Variants in HMGB2 observed in about 807,000 individuals in gnomAD.
HMGB2 encodes high mobility group box 2.
A neutral mutation model predicts 23.0 loss-of-function variants in HMGB2; 2 were observed. The ratio of observed to expected loss-of-function variants is 0.09; its 90% CI spans 0.04 to 0.27. HMGB2 has a LOEUF of 0.27. Ranked by LOEUF, HMGB2 falls within the 10% of genes least tolerant of loss-of-function variation. The probability of loss-of-function intolerance (pLI) is 1.00; values close to 1 mark genes in which losing one functional copy is unlikely to be tolerated. For missense variants in HMGB2, 178 were observed against 256.5 expected (o/e 0.69, Z 2.09); for synonymous variants, 99 against 87.5 (o/e 1.13, Z -0.73).
rs1477262728 is a variant in HMGB2 at position 173,333,916 on chromosome 4, C to G, written c.-20-247G>C. The stretch of plus-strand genomic sequence containing the variant: ...GCGGCTCAGCCCAGCAAGTGGCTCC[C>G]GGGGCCCGAGACGCCGCCGCCCGCC... On this transcript the variant is annotated intron_variant, in intron 1 of 4. Transcript: ENST00000296503. The surrounding 1 kb of genome is among the most constrained non-coding windows in gnomAD (Gnocchi z 4.6). 11 of 234,752 alleles carry G rather than the reference C, an allele frequency of 4.7e-5. No individual in the cohort carries two copies. In the Admixed American group the frequency reaches 6.3e-4, roughly 14 times the overall value. 14.5% of individuals were successfully genotyped at this position (234,752 alleles called of 1,614,324 possible). A position where few individuals can be genotyped will look rare whatever the true frequency, so the allele number is the denominator to read the frequency against.
At position 173,331,380 on chromosome 4, in the gene HMGB2, A is replaced by ATG. The variant is rs1738086682; in HGVS notation, c.*699_*700insCA. Among the ~76,000 whole-genome samples the ATG allele has an allele frequency of 7.3e-6, 1 of 137,274 alleles. No homozygotes were observed. The highest frequency in any genetic ancestry group is 3.1e-5 in the African/African-American group (1 of 32,116). 90.1% of individuals were successfully genotyped at this position (137,274 alleles called of 152,430 possible). On this transcript the variant is annotated 3_prime_UTR_variant, in exon 5 of 5. Coordinates refer to ENST00000296503, the MANE Select transcript of HMGB2 (RefSeq NM_002129.4). The stretch of plus-strand genomic sequence containing the variant: ...TATATATGTGTATATATATACATAT[A>ATG]TATATATATATATATGTATATATAT...
At position 173,333,394 on chromosome 4, in the gene HMGB2, T is replaced by C. The variant is rs1047166111; in HGVS notation, c.150+106A>G. On this transcript the variant is annotated intron_variant, in intron 2 of 4. Coordinates refer to ENST00000296503, the MANE Select transcript of HMGB2 (RefSeq NM_002129.4). The surrounding 1 kb of genome is among the most constrained non-coding windows in gnomAD (Gnocchi z 4.6). ...CTCTTAAGATATTCAGGTGAGTCAC[T>C]GGGGTGGCAAAGTTGAAGCTCATGA... is the stretch of plus-strand genomic sequence containing the variant. The C allele has an allele frequency of 1.7e-5, 24 of 1,443,244 alleles. No homozygotes were observed. Among genetic ancestry groups the C allele is most frequent in the Non-Finnish European group, 2.2e-5 (23 of 1,063,310 alleles). 89.4% of individuals were successfully genotyped at this position (1,443,244 alleles called of 1,614,324 possible).
chr4:173,333,692 G>C lies in HMGB2; in HGVS notation c.-20-23C>G. 1 of 1,546,630 alleles carries C rather than the reference G, an allele frequency of 6.5e-7. No homozygotes were observed. The highest frequency in any genetic ancestry group is 8.8e-7 in the Non-Finnish European group (1 of 1,141,418). ...CACCTGACGGGGCCGAGGGGGGAGAGGGGAAGCCGGAGGGTCGGCGCGGAG... is the reference window on the plus strand; with the variant it reads ...CACCTGACGGGGCCGAGGGGGGAGACGGGAAGCCGGAGGGTCGGCGCGGAG... On this transcript the variant is annotated intron_variant, in intron 1 of 4. Transcript: ENST00000296503. The surrounding 1 kb of genome is among the most constrained non-coding windows in gnomAD (Gnocchi z 4.6).
rs1302992825 is a variant in HMGB2 at position 173,333,469 on chromosome 4, C to A, written c.150+31G>T. On this transcript the variant is annotated intron_variant, in intron 2 of 4. Coordinates refer to ENST00000296503, the MANE Select transcript of HMGB2 (RefSeq NM_002129.4). This position sits in a 1 kb window ranked among gnomAD's most constrained non-coding sequence, Gnocchi z 4.6. ...CTCCTAGCCGAAAACCACACCTGCACCCCCTGAGCTCCGTCCCTCTCCTGC... is the reference window on the plus strand; with the variant it reads ...CTCCTAGCCGAAAACCACACCTGCAACCCCTGAGCTCCGTCCCTCTCCTGC... The A allele has an allele frequency of 6.2e-7, 1 of 1,600,502 alleles. No individual in the cohort carries two copies. The highest frequency in any genetic ancestry group is 8.5e-7 in the Non-Finnish European group (1 of 1,172,330).
chr4:173,331,913 C>T lies in HMGB2; in HGVS notation c.*167G>A. On this transcript the variant is annotated 3_prime_UTR_variant, in exon 5 of 5. Coordinates refer to ENST00000296503, the MANE Select transcript of HMGB2 (RefSeq NM_002129.4). ...TAGCCCATCAAAAAGCTACAACCTG[C>T]ATTTTTTAAAAGTATTTTCTCTACA... The T allele has an allele frequency of 1.0e-6, 1 of 972,294 alleles. No individual in the cohort carries two copies. The highest frequency in any genetic ancestry group is 1.5e-6 in the Non-Finnish European group (1 of 669,936). The allele number at this position is 972,294 out of a possible 1,614,324, so 60.2% of individuals were successfully genotyped here. A position where few individuals can be genotyped will look rare whatever the true frequency, so the allele number is the denominator to read the frequency against.
Position 173,333,811 on chromosome 4 carries a change from T to G in HMGB2, c.-20-142A>C. On this transcript the variant is annotated intron_variant, in intron 1 of 4. Coordinates refer to ENST00000296503, the MANE Select transcript of HMGB2 (RefSeq NM_002129.4). This position sits in a 1 kb window ranked among gnomAD's most constrained non-coding sequence, Gnocchi z 4.6. Reference sequence around the variant, plus strand: ...CGCCCCCCTCCTCCCGAGGGCGTCCTCCCAAGGGCGGCCGCCCGCGCCCCC... The same window carrying G: ...CGCCCCCCTCCTCCCGAGGGCGTCCGCCCAAGGGCGGCCGCCCGCGCCCCC... 6 of 417,890 alleles carry G rather than the reference T, an allele frequency of 1.4e-5. No individual in the cohort carries two copies. The highest frequency in any genetic ancestry group is 1.1e-5 in the Non-Finnish European group (3 of 281,664). 25.9% of individuals were successfully genotyped at this position (417,890 alleles called of 1,614,324 possible).
chr4:173,333,328 A>T lies in HMGB2; in HGVS notation c.151-114T>A. 7.2e-7 allele frequency: 1 copy of T among 1,386,262 alleles called. No homozygotes were observed. Among genetic ancestry groups the T allele is most frequent in the South Asian group, 1.4e-5 (1 of 72,484 alleles). 85.9% of individuals were successfully genotyped at this position (1,386,262 alleles called of 1,614,324 possible). A position where few individuals can be genotyped will look rare whatever the true frequency, so the allele number is the denominator to read the frequency against. ...TTTCCTTAACAGCATTTTGCTTTCG[A>T]AGTCTTATATAAGTAAAAACCTAAA... is the stretch of plus-strand genomic sequence containing the variant. On this transcript the variant is annotated intron_variant, in intron 2 of 4. Transcript: ENST00000296503. This position sits in a 1 kb window ranked among gnomAD's most constrained non-coding sequence, Gnocchi z 4.6.
In HMGB2 at chr4:173,331,955, A is replaced by C; in HGVS notation, c.*125T>G. The stretch of plus-strand genomic sequence containing the variant: ...TTCTCTACAGAGAATCTTATCAGCT[A>C]TACAAAAATCTGTACAGTTTTTATA... On this transcript the variant is annotated 3_prime_UTR_variant, in exon 5 of 5. Transcript: ENST00000296503. The C allele has an allele frequency of 1.5e-6, 2 of 1,347,322 alleles. No homozygotes were observed. Among genetic ancestry groups the C allele is most frequent in the Non-Finnish European group, 1.0e-6 (1 of 992,636 alleles). The allele number at this position is 1,347,322 out of a possible 1,614,324, so 83.5% of individuals were successfully genotyped here.
At chr4:173,332,345 T>C (rs1233939926) in intron 4 of HMGB2, 107 bp from the exon 5 acceptor site, 5 of 823,756 alleles carry the variant, frequency 6.1e-6, no homozygotes, top group Non-Finnish European at 9.4e-6. Context: ...CTAATAACTG[T>C]CTAAAAAGGT....
intron 4 of HMGB2, chr4:173,332,612 GTC>G (rs1451673076): frequency 1.8e-6 from 1 of 549,222 alleles, no homozygotes; most frequent in African/African-American, 1.9e-5. Context: ...CTACAAGTCT[GTC>G]TGCAGGAATA....
Position 173,332,824 on chromosome 4 carries a change from T to G in HMGB2, c.468A>C (p.Glu156Asp). 4.3e-6 allele frequency: 7 copies of G among 1,613,816 alleles called. No homozygotes were observed. The highest frequency in any genetic ancestry group is 5.9e-6 in the Non-Finnish European group (7 of 1,179,682). ...QKAAKLKEKY[E>D]KDIAAYRAKG... ...TTTAAAAAAGATGACACTGTACCTT[T>G]TCATATTTCTCCTTTAGCTTAGCTG... Residue 156 changes from glutamate to aspartate, a missense_variant, in exon 4 of 5, where the codon GAA becomes GAC. Glu to Asp is a conservative substitution (Grantham distance 45, BLOSUM62 2). This residue lies in a region of HMGB2 where 43 missense variants were observed against 103.3 expected (regional missense o/e 0.42). Transcript: ENST00000296503.
rs1578935476 is a variant in HMGB2, at chr4:173,333,819, G to A, written c.-20-150C>T. The A allele has an allele frequency of 2.5e-6, 1 of 407,960 alleles. No individual in the cohort carries two copies. Among genetic ancestry groups the A allele is most frequent in the Non-Finnish European group, 4.0e-6 (1 of 248,980 alleles). 25.3% of individuals were successfully genotyped at this position (407,960 alleles called of 1,614,324 possible). A position where few individuals can be genotyped will look rare whatever the true frequency, so the allele number is the denominator to read the frequency against. ...TCCTCCCGAGGGCGTCCTCCCAAGG[G>A]CGGCCGCCCGCGCCCCCGCCCGCGC... is the stretch of plus-strand genomic sequence containing the variant. On this transcript the variant is annotated intron_variant, in intron 1 of 4. Coordinates refer to ENST00000296503, the MANE Select transcript of HMGB2 (RefSeq NM_002129.4). This position sits in a 1 kb window ranked among gnomAD's most constrained non-coding sequence, Gnocchi z 4.6.
chr4:173,333,387 G>A lies in HMGB2; in HGVS notation c.150+113C>T, dbSNP rs2126889023. On this transcript the variant is annotated intron_variant, in intron 2 of 4. Coordinates refer to ENST00000296503, the MANE Select transcript of HMGB2 (RefSeq NM_002129.4). This position sits in a 1 kb window ranked among gnomAD's most constrained non-coding sequence, Gnocchi z 4.6. The stretch of plus-strand genomic sequence containing the variant: ...CCTGGAACTCTTAAGATATTCAGGT[G>A]AGTCACTGGGGTGGCAAAGTTGAAG... 1 of 1,406,968 alleles carries A rather than the reference G, an allele frequency of 7.1e-7. No homozygotes were observed. Among genetic ancestry groups the A allele is most frequent in the East Asian group, 2.3e-5 (1 of 43,554 alleles). 87.2% of individuals were successfully genotyped at this position (1,406,968 alleles called of 1,614,324 possible).
chr4:173,333,003 G>A lies in HMGB2; in HGVS notation c.297-8C>T, dbSNP rs771901790. On this transcript the variant is annotated splice_region_variant and splice_polypyrimidine_tract_variant and intron_variant, in intron 3 of 4. Coordinates refer to ENST00000296503, the MANE Select transcript of HMGB2 (RefSeq NM_002129.4). The surrounding 1 kb of genome is among the most constrained non-coding windows in gnomAD (Gnocchi z 4.6). Reference sequence around the variant, plus strand: ...AACAGGAAGAAGGCAGATCTGAAAGGAAGCAACAGAGTTTAATAAACTGAA... The same window carrying A: ...AACAGGAAGAAGGCAGATCTGAAAGAAAGCAACAGAGTTTAATAAACTGAA... The A allele has an allele frequency of 1.8e-5, 29 of 1,613,624 alleles. No homozygotes were observed. The highest frequency in any genetic ancestry group is 2.2e-5 in the Non-Finnish European group (26 of 1,179,722).
chr4:173,332,101 TTCCTCCTCATCTTCATCTTCTTCTTCC>T lies in HMGB2; in HGVS notation c.582_608del (p.Glu195_Glu203del), dbSNP rs775120388. The T allele has an allele frequency of 2.5e-6, 4 of 1,611,914 alleles. No homozygotes were observed. Among genetic ancestry groups the T allele is most frequent in the Middle Eastern group, 3.3e-4 (2 of 6,072 alleles). On this transcript the variant is annotated inframe_deletion, in exon 5 of 5. Transcript: ENST00000296503. ...CCATTTATTCTTCATCTTCATCCTCTTCCTCCTCATCTTCATCTTCTTCTTCCTCCTCCTCCTCCTCATCTTCTGGTT... is the reference window on the plus strand; with the variant it reads ...CCATTTATTCTTCATCTTCATCCTCTTCCTCCTCCTCCTCATCTTCTGGTT...
In HMGB2 at chr4:173,331,819, G is replaced by A; in HGVS notation, c.*261C>T. The A allele has an allele frequency of 2.6e-6, 1 of 380,916 alleles. No individual in the cohort carries two copies. Among genetic ancestry groups the A allele is most frequent in the Non-Finnish European group, 4.6e-6 (1 of 215,158 alleles). 23.6% of individuals were successfully genotyped at this position (380,916 alleles called of 1,614,324 possible). On this transcript the variant is annotated 3_prime_UTR_variant, in exon 5 of 5. Transcript: ENST00000296503. ...AAGTTTGCTGTGCTACCATACACAA[G>A]AAATTAAAAAAACCATTAAATATTT... is the stretch of plus-strand genomic sequence containing the variant.
rs1255577237 is a variant in HMGB2, at chr4:173,333,014, G to C, written c.297-19C>G. 1 of 1,613,100 alleles carries C rather than the reference G, an allele frequency of 6.2e-7. No homozygotes were observed. Among genetic ancestry groups the C allele is most frequent in the Non-Finnish European group, 8.5e-7 (1 of 1,179,284 alleles). On this transcript the variant is annotated intron_variant, in intron 3 of 4. Transcript: ENST00000296503. The surrounding 1 kb of genome is among the most constrained non-coding windows in gnomAD (Gnocchi z 4.6). ...GGCAGATCTGAAAGGAAGCAACAGA[G>C]TTTAATAAACTGAAGGAAAAATCCA...
At position 173,331,968 on chromosome 4, in the gene HMGB2, T is replaced by TAC; in HGVS notation, c.*110_*111dup. 4 of 1,457,326 alleles carry TAC rather than the reference T, an allele frequency of 2.7e-6. No homozygotes were observed. The highest frequency in any genetic ancestry group is 1.8e-6 in the Non-Finnish European group (2 of 1,081,682). 90.3% of individuals were successfully genotyped at this position (1,457,326 alleles called of 1,614,324 possible). ...ATCTTATCAGCTATACAAAAATCTG[T>TAC]ACAGTTTTTATACTGAAGCTAGTAT... On this transcript the variant is annotated 3_prime_UTR_variant, in exon 5 of 5. Transcript: ENST00000296503.
chr4:173,332,353 G>A, intron 4 of HMGB2, 115 bp from the exon 5 acceptor site: 2 of 777,598 alleles, frequency 2.6e-6, no homozygotes, highest in Non-Finnish European at 4.0e-6. Context: ...TGTCTAAAAA[G>A]GTAACCAGTC....
Sources: gnomAD v4.1 joint callset for allele counts (sites outside exome capture counted in the v4.1 genomes callset) on GRCh38, gnomAD v4.1.1 for gene constraint, gnomAD v4.1.1 regional missense constraint, Gnocchi (gnomAD v3.1) non-coding constraint, MANE v1.5 for transcripts, NCBI Gene and HGNC (gene_info 2026-07-23, HGNC 2026-07-21) for gene names.